LRRIQ3: variants seen among roughly 807,000 people sequenced by gnomAD.
The protein encoded by LRRIQ3 is leucine rich repeats and IQ motif containing 3.
In LRRIQ3, 75 loss-of-function variants were observed where a neutral mutation model predicts 59.3. The ratio of observed to expected loss-of-function variants is 1.26; its 90% CI spans 1.05 to 1.53. The LOEUF (loss-of-function observed/expected upper bound fraction) is 1.53, where lower values mean the gene tolerates loss of function less well. Among genes scored for constraint, LRRIQ3 ranks in the 40% most tolerant of loss-of-function variants. LRRIQ3 has a pLI of 0.00. For synonymous variants in LRRIQ3, 250 were observed against 231.3 expected, an observed-to-expected ratio of 1.08 and a Z score of -0.73; for missense variants, 831 against 710.0, an observed-to-expected ratio of 1.17 and a Z score of -1.94.
chr1:74,148,021 C>T (rs1173033710), intron 4 of LRRIQ3, among the ~76,000 whole-genome samples: 3 of 151,970 alleles, frequency 2.0e-5, no homozygotes, highest in African/African-American at 7.3e-5. Context: ...TCATTGAGTT[C>T]CTTTAAAATC....
At chr1:74,071,902 C>A (rs939978469) in intron 6 of LRRIQ3, among the ~76,000 whole-genome samples, 1 of 151,762 alleles carries the variant, frequency 6.6e-6, no homozygotes, top group Non-Finnish European at 1.5e-5. Flanking sequence ...AAAGTTTTGC[C>A]AACTTTGAAA....
At chr1:74,137,938 G>C (rs542006590) in intron 4 of LRRIQ3, among the ~76,000 whole-genome samples, 80 of 147,384 alleles carry the variant, frequency 5.4e-4, no homozygotes, top group African/African-American at 1.9e-3. Flanking sequence ...ACCGGGGCCT[G>C]TCAGGGGGTG....
intron 1 of LRRIQ3, among the ~76,000 whole-genome samples, chr1:74,184,472 A>T (rs990154770): frequency 2.0e-5 from 3 of 152,180 alleles, no homozygotes; most frequent in Non-Finnish European, 4.4e-5. Context: ...TAAGATCAAC[A>T]TTCCCCAATG....
chr1:74,141,982 TACACACAC>T (rs66546682), intron 4 of LRRIQ3, among the ~76,000 whole-genome samples: 122 of 150,498 alleles, frequency 8.1e-4, no homozygotes, highest in African/African-American at 2.5e-3. Context: ...ATTCCATTTA[TACACACAC>T]ACACACACAC....
chr1:74,101,880 AG>A (rs1339136237), intron 5 of LRRIQ3, among the ~76,000 whole-genome samples: 2 of 152,026 alleles, frequency 1.3e-5, no homozygotes, highest in Non-Finnish European at 2.9e-5. Context: ...GGACACAGGA[AG>A]GGGAACATCA....
intron 6 of LRRIQ3, among the ~76,000 whole-genome samples, chr1:74,070,505 T>G (rs1304154): frequency 9.2e-5 from 14 of 151,672 alleles, no homozygotes; most frequent in Middle Eastern, 3.4e-3. Flanking sequence ...GGGAGAGGAT[T>G]AAAAAAATAT....
intron 5 of LRRIQ3, among the ~76,000 whole-genome samples, chr1:74,090,207 C>A (rs1325232786): frequency 6.6e-6 from 1 of 151,918 alleles, no homozygotes; most frequent in African/African-American, 2.4e-5. Context: ...GTAATAGGAT[C>A]TTATGCATTT....
intron 4 of LRRIQ3, among the ~76,000 whole-genome samples, chr1:74,125,441 A>G (rs1216838461): frequency 2.6e-5 from 4 of 151,808 alleles, no homozygotes; most frequent in Non-Finnish European, 5.9e-5. Context: ...TCCAGATCTT[A>G]GAGAAAAGCC....
In LRRIQ3 at chr1:74,198,147, C is replaced by CGCCAGCCAAGGCGCTCCGGGG; in HGVS notation, c.-173_-153dup. 1 of 1,488,862 alleles carries CGCCAGCCAAGGCGCTCCGGGG rather than the reference C, an allele frequency of 6.7e-7. No individual in the cohort carries two copies. The highest frequency in any genetic ancestry group is 2.3e-5 in the East Asian group (1 of 43,182). The allele number at this position is 1,488,862 out of a possible 1,614,324, so 92.2% of individuals were successfully genotyped here. ...GTTCTCCACATCATGGTTTTCCGGGCGCCAGCCAAGGCGCTCCGGGGGCGT... is the reference window on the plus strand; with the variant it reads ...GTTCTCCACATCATGGTTTTCCGGGCGCCAGCCAAGGCGCTCCGGGGGCCAGCCAAGGCGCTCCGGGGGCGT... On this transcript the variant is annotated 5_prime_UTR_variant, in exon 1 of 8. Coordinates refer to ENST00000354431, the MANE Select transcript of LRRIQ3 (RefSeq NM_001105659.2).
intron 3 of LRRIQ3, among the ~76,000 whole-genome samples, chr1:74,177,132 G>C (rs7537841): frequency 0.041 from 6,275 of 152,134 alleles, 161 homozygotes; most frequent in South Asian, 0.13. Context: ...TGCACCCTTT[G>C]TCCCTTCTGT....
intron 4 of LRRIQ3, among the ~76,000 whole-genome samples, chr1:74,137,127 T>A (rs1018903096): frequency 6.6e-6 from 1 of 151,884 alleles, no homozygotes; most frequent in African/African-American, 2.4e-5. Flanking sequence ...ACAGACAATA[T>A]ATCTAGTATA....
At chr1:74,050,956 A>G (rs185267739) in intron 6 of LRRIQ3, among the ~76,000 whole-genome samples, 1 of 152,340 alleles carries the variant, frequency 6.6e-6, no homozygotes, top group Non-Finnish European at 1.5e-5. Context: ...TATCTAAGAT[A>G]TGGTATAAGA....
intron 5 of LRRIQ3, among the ~76,000 whole-genome samples, chr1:74,087,600 G>T (rs1300424678): frequency 6.6e-6 from 1 of 151,656 alleles, no homozygotes; most frequent in African/African-American, 2.4e-5. Context: ...CATAGAATGT[G>T]AAATTTTTAG....
chr1:74,100,274 G>C (rs539669232), intron 5 of LRRIQ3, among the ~76,000 whole-genome samples: 1 of 152,156 alleles, frequency 6.6e-6, no homozygotes, highest in South Asian at 2.1e-4. Flanking sequence ...CAGACAAACA[G>C]AAAGCCAAAT....
intron 7 of LRRIQ3, among the ~76,000 whole-genome samples, chr1:74,034,859 A>C (rs1205496833): frequency 6.6e-6 from 1 of 152,034 alleles, no homozygotes; most frequent in Non-Finnish European, 1.5e-5. Context: ...GTTGTTTAAA[A>C]ATTTAAATAA....
At chr1:74,054,775 CAT>C (rs2100425317) in intron 6 of LRRIQ3, among the ~76,000 whole-genome samples, 1 of 143,900 alleles carries the variant, frequency 6.9e-6, no homozygotes, top group African/African-American at 2.5e-5. Flanking sequence ...TCTACATACA[CAT>C]ACATATAAAT....
At chr1:74,049,306 C>T (rs1302972268) in intron 6 of LRRIQ3, among the ~76,000 whole-genome samples, 1 of 151,984 alleles carries the variant, frequency 6.6e-6, no homozygotes, top group Non-Finnish European at 1.5e-5. Flanking sequence ...GATTTGAAGT[C>T]GTTGAAGTAG....
At chr1:74,099,271 T>C (rs1273346693) in intron 5 of LRRIQ3, among the ~76,000 whole-genome samples, 1 of 152,034 alleles carries the variant, frequency 6.6e-6, no homozygotes, top group Non-Finnish European at 1.5e-5. Flanking sequence ...GAGAATACTA[T>C]AAACACCTCT....
At position 74,162,179 on chromosome 1, in the gene LRRIQ3, T is replaced by C. The variant is rs184632840; in HGVS notation, c.574-6313A>G. On this transcript the variant is annotated intron_variant, in intron 3 of 7. Coordinates refer to ENST00000354431, the MANE Select transcript of LRRIQ3 (RefSeq NM_001105659.2). ...TTTTATAGCAATACTTAAAATGATATAGTGTTTTAGGGTTTATAAGGGACT... is the reference window on the plus strand; with the variant it reads ...TTTTATAGCAATACTTAAAATGATACAGTGTTTTAGGGTTTATAAGGGACT... Among the ~76,000 whole-genome samples the C allele has an allele frequency of 3.0e-4, 46 of 152,026 alleles. 3 individuals carry two copies. Among genetic ancestry groups the C allele is most frequent in the Admixed American group, 2.3e-3 (35 of 15,234 alleles).
Sources: allele counts gnomAD v4.1 joint callset (sites outside exome capture counted in the v4.1 genomes callset), GRCh38; gene constraint gnomAD v4.1.1; transcripts MANE v1.5; gene names NCBI Gene and HGNC (gene_info 2026-07-23, HGNC 2026-07-21).